The following THSD7A variants were observed in gnomAD, a reference collection of about 807,000 sequenced individuals.
THSD7A encodes the protein thrombospondin type-1 domain-containing protein 7A.
A neutral mutation model predicts 231.3 loss-of-function variants in THSD7A; 96 were observed. The ratio of observed to expected loss-of-function variants is 0.41; its 90% confidence interval spans 0.35 to 0.49. The LOEUF (loss-of-function observed/expected upper bound fraction) is 0.49, where lower values mean the gene tolerates loss of function less well. Among genes scored for constraint, THSD7A ranks in the 20% least tolerant of loss-of-function variants. The probability of loss-of-function intolerance (pLI) is 0.05; values close to 1 mark genes in which losing one functional copy is unlikely to be tolerated. For synonymous variants in THSD7A, 940 were observed against 743.3 expected (o/e 1.26, Z -4.30); for missense variants, 2,290 against 2,070.2 (o/e 1.11, Z -2.06).
At chr7:11,570,686 C>G (rs1254736807) in intron 4 of THSD7A, among the ~76,000 whole-genome samples, 1 of 152,138 alleles carries the variant, frequency 6.6e-6, no homozygotes, top group African/African-American at 2.4e-5. Flanking sequence ...ACATAAAGAA[C>G]TACCTGTTTT....
intron 1 of THSD7A, among the ~76,000 whole-genome samples, chr7:11,712,870 T>C (rs147990359): frequency 1.3e-5 from 2 of 151,220 alleles, no homozygotes; most frequent in East Asian, 2.0e-4. Flanking sequence ...GAAAAGGGTA[T>C]AATTCATTCC....
rs186518763 is a variant in THSD7A, at chr7:11,762,368, C to T, written c.190+69389G>A. Reference sequence around the variant, plus strand: ...TACATTTCCACCAGCAATGTCTAGGCGGTTCCTTTCTTATTCATCCTAGCT... The same window carrying T: ...TACATTTCCACCAGCAATGTCTAGGTGGTTCCTTTCTTATTCATCCTAGCT... On this transcript the variant is annotated intron_variant, in intron 1 of 27. Transcript: ENST00000423059. 6.3e-3 allele frequency among the ~76,000 whole-genome samples: 962 copies of T among 152,110 alleles called. 11 individuals carry two copies. Among genetic ancestry groups the T allele is most frequent in the Non-Finnish European group, 0.011 (718 of 67,970 alleles).
In THSD7A at chr7:11,526,178, A is replaced by G. The variant is rs548718421; in HGVS notation, c.1822+15241T>C. ...ATTCTCTCATGATCTGGTTTTATCC[A>G]CAAAGATTCATCTCCTCCAGCTTTT... On this transcript the variant is annotated intron_variant, in intron 6 of 27. Coordinates refer to ENST00000423059, the MANE Select transcript of THSD7A (RefSeq NM_015204.3). Among the ~76,000 whole-genome samples the G allele has an allele frequency of 4.6e-5, 7 of 152,280 alleles. 1 individual carries two copies. The Middle Eastern group carries it at 0.02, about 444-fold the overall frequency.
chr7:11,682,341 GCTATCTTTAAGAGAT>G (rs1783900689), intron 1 of THSD7A, among the ~76,000 whole-genome samples: 1 of 152,024 alleles, frequency 6.6e-6, no homozygotes, highest in Non-Finnish European at 1.5e-5. Flanking sequence ...TTAACCTTCT[GCTATCTTTAAGAGAT>G]CTATCTCAAA....
intron 1 of THSD7A, among the ~76,000 whole-genome samples, chr7:11,671,934 T>C (rs1331003472): frequency 6.6e-6 from 1 of 152,142 alleles, no homozygotes; most frequent in East Asian, 1.9e-4. Flanking sequence ...AGAAAGAACA[T>C]TTATTTCCTT....
rs187990884 is a variant in THSD7A at position 11,581,052 on chromosome 7, A to G, written c.1453+9408T>C. On this transcript the variant is annotated intron_variant, in intron 4 of 27. Transcript: ENST00000423059. The stretch of plus-strand genomic sequence containing the variant: ...TTCCTCTACTGTAATTGATGGTCAG[A>G]AAAATAACACTTGGGAGAATGAACA... 7.2e-5 allele frequency among the ~76,000 whole-genome samples: 11 copies of G among 152,298 alleles called. No individual in the cohort carries two copies. The East Asian group carries it at 1.7e-3, about 24-fold the overall frequency.
At chr7:11,482,078 T>C (rs1786450100) in intron 6 of THSD7A, 96 bp from the exon 7 acceptor site, 2 of 1,314,482 alleles carry the variant, frequency 1.5e-6, no homozygotes, top group Non-Finnish European at 2.1e-6. Flanking sequence ...TACATTATCT[T>C]TCTTTTGCTC....
At chr7:11,454,954 T>C (rs1313021974) in intron 11 of THSD7A, among the ~76,000 whole-genome samples, 1 of 152,048 alleles carries the variant, frequency 6.6e-6, no homozygotes, top group Non-Finnish European at 1.5e-5. Context: ...TATTGCTATA[T>C]ACTGAGTTGT....
At position 11,676,603 on chromosome 7, in the gene THSD7A, C is replaced by T. The variant is rs537413760; in HGVS notation, c.191-39642G>A. Among the ~76,000 whole-genome samples, 123 of 152,076 alleles carry T rather than the reference C, an allele frequency of 8.1e-4. 1 individual carries two copies. Among genetic ancestry groups the T allele is most frequent in the Middle Eastern group, 3.4e-3 (1 of 294 alleles). On this transcript the variant is annotated intron_variant, in intron 1 of 27. Coordinates refer to ENST00000423059, the MANE Select transcript of THSD7A (RefSeq NM_015204.3). ...CCTAAGAGAGATGAAAAACATAGCA[C>T]GAGAACTTCATGGAGCACACAGAAG... is the stretch of plus-strand genomic sequence containing the variant.
At chr7:11,828,441 C>T (rs750209508) in intron 1 of THSD7A, among the ~76,000 whole-genome samples, 9 of 152,236 alleles carry the variant, frequency 5.9e-5, no homozygotes, top group South Asian at 2.1e-4. Context: ...ATTATCTTTG[C>T]GACCCTTCAC....
chr7:11,725,604 G>T (rs972469606), intron 1 of THSD7A, among the ~76,000 whole-genome samples: 5 of 151,866 alleles, frequency 3.3e-5, no homozygotes, highest in African/African-American at 1.2e-4. Context: ...TCTTTATTTG[G>T]TTAATTAGTT....
At chr7:11,488,352 A>C (rs1378923012) in intron 6 of THSD7A, among the ~76,000 whole-genome samples, 1 of 152,124 alleles carries the variant, frequency 6.6e-6, no homozygotes, top group Non-Finnish European at 1.5e-5. Flanking sequence ...TCATATTTGC[A>C]TGGACCTTTC....
intron 16 of THSD7A, among the ~76,000 whole-genome samples, chr7:11,423,910 A>G (rs1016751569): frequency 6.6e-6 from 1 of 152,204 alleles, no homozygotes; most frequent in Admixed American, 6.5e-5. Context: ...ATCTAGTGTT[A>G]GGCAGTAGGG....
chr7:11,796,988 T>A (rs567511885), intron 1 of THSD7A, among the ~76,000 whole-genome samples: 1 of 152,262 alleles, frequency 6.6e-6, no homozygotes, highest in Admixed American at 6.5e-5. Flanking sequence ...ATTTCTGATT[T>A]GACTTGAATG....
At chr7:11,568,363 T>C (rs887837568) in intron 4 of THSD7A, among the ~76,000 whole-genome samples, 2 of 152,082 alleles carry the variant, frequency 1.3e-5, no homozygotes, top group Non-Finnish European at 1.5e-5. Context: ...TTTCTTTTCC[T>C]TAAAAACTGG....
intron 1 of THSD7A, among the ~76,000 whole-genome samples, chr7:11,710,404 A>G (rs1305596950): frequency 6.6e-6 from 1 of 150,944 alleles, no homozygotes; most frequent in African/African-American, 2.4e-5. Flanking sequence ...ATTTTGTTCA[A>G]TCCACTCATC....
At chr7:11,689,326 T>C (rs958218517) in intron 1 of THSD7A, among the ~76,000 whole-genome samples, 2 of 151,820 alleles carry the variant, frequency 1.3e-5, no homozygotes, top group Admixed American at 6.6e-5. Flanking sequence ...TTAACTGTCA[T>C]TTCCTCTAAT....
chr7:11,543,123 GA>G lies in THSD7A; in HGVS notation c.1454-7del. 1 of 1,604,742 alleles carries G rather than the reference GA, an allele frequency of 6.2e-7. No homozygotes were observed. Among genetic ancestry groups the G allele is most frequent in the Non-Finnish European group, 8.5e-7 (1 of 1,175,760 alleles). On this transcript the variant is annotated splice_region_variant and splice_polypyrimidine_tract_variant and intron_variant, in intron 4 of 27. Coordinates refer to ENST00000423059, the MANE Select transcript of THSD7A (RefSeq NM_015204.3). ...TAAGTCCATTGGCTTTGAGGCTAGA[GA>G]AAAATACAGACACATATTAAAAAAT... is the stretch of plus-strand genomic sequence containing the variant.
chr7:11,611,742 G>T (rs1780929662), intron 2 of THSD7A, among the ~76,000 whole-genome samples: 1 of 149,486 alleles, frequency 6.7e-6, no homozygotes, highest in African/African-American at 2.5e-5. Flanking sequence ...AAGGTTGTAG[G>T]TTAATCCAGA....
Sources: allele counts gnomAD v4.1 joint callset (sites outside exome capture counted in the v4.1 genomes callset), GRCh38; gene constraint gnomAD v4.1.1; transcripts MANE v1.5; gene names NCBI Gene and HGNC (gene_info 2026-07-23, HGNC 2026-07-21).